The following GOLT1B variants were observed in gnomAD, a reference collection of about 807,000 sequenced individuals.
GOLT1B encodes the protein golgi transport 1B, also known as vesicle transport protein GOT1B.
GOLT1B carries 3 observed loss-of-function variants against 15.4 expected under a neutral mutation model. The observed-to-expected ratio is 0.19, with a 90% CI of 0.09 to 0.50. The LOEUF (loss-of-function observed/expected upper bound fraction) is 0.50, where lower values mean the gene tolerates loss of function less well. Ranked by LOEUF, GOLT1B falls within the 20% of genes least tolerant of loss-of-function variation. GOLT1B has a pLI of 0.97. For missense variants in GOLT1B, 145 were observed against 160.4 expected (o/e 0.90, Z 0.52); for synonymous variants, 65 against 56.2 (o/e 1.16, Z -0.70).
intron 1 of GOLT1B, 91 bp downstream of exon 1, chr12:21,502,039 C>T (rs1943632322): frequency 2.1e-6 from 2 of 930,792 alleles, no homozygotes; most frequent in African/African-American, 1.6e-5. Flanking sequence ...ATGAATGAAG[C>T]TCTGGGTTGG....
intron 1 of GOLT1B, among the ~76,000 whole-genome samples, chr12:21,505,178 T>C (rs1943670524): frequency 6.6e-6 from 1 of 152,294 alleles, no homozygotes; most frequent in African/African-American, 2.4e-5. Flanking sequence ...TAAGGCCTAA[T>C]TCGTGGTAAA....
chr12:21,509,396 C>CAAAAAAAAAAA (rs71053318), intron 3 of GOLT1B, among the ~76,000 whole-genome samples: 1 of 74,040 alleles, frequency 1.4e-5, no homozygotes, highest in Admixed American at 2.2e-4. Context: ...GACTCTGTCT[C>CAAAAAAAAAAA]AAAAAAAAAA....
In GOLT1B at chr12:21,502,234, T is replaced by A. The variant is rs576505588; in HGVS notation, c.25+286T>A. On this transcript the variant is annotated intron_variant, in intron 1 of 4. Coordinates refer to ENST00000229314, the MANE Select transcript of GOLT1B (RefSeq NM_016072.5). ...CTGTCTCATTCCAGGGTCGCGCTGA[T>A]CTCCTCATCCCCAGTGAGATGGGCG... Among the ~76,000 whole-genome samples the A allele has an allele frequency of 1.9e-4, 29 of 152,202 alleles. No individual in the cohort carries two copies. In the South Asian group the frequency reaches 5.6e-3, roughly 29 times the overall value.
chr12:21,511,405 G>C (rs1943718806), intron 3 of GOLT1B, among the ~76,000 whole-genome samples: 1 of 120,214 alleles, frequency 8.3e-6, no homozygotes, highest in Admixed American at 1.2e-4. Flanking sequence ...CCTGAACACT[G>C]TCCTTTTGGG....
chr12:21,513,249 A>G (rs752563750), intron 4 of GOLT1B, among the ~76,000 whole-genome samples: 21 of 152,196 alleles, frequency 1.4e-4, no homozygotes, highest in Admixed American at 3.9e-4. Context: ...CAAGAGTTAA[A>G]GAGAATGTTT....
At chr12:21,513,799 C>T (rs1386922860) in intron 4 of GOLT1B, among the ~76,000 whole-genome samples, 1 of 151,594 alleles carries the variant, frequency 6.6e-6, no homozygotes, top group Admixed American at 6.5e-5. Context: ...TTGTCTCAAA[C>T]AAAAAAGAAA....
chr12:21,512,654 T>G (rs540457641), intron 4 of GOLT1B, among the ~76,000 whole-genome samples: 1 of 152,318 alleles, frequency 6.6e-6, no homozygotes, highest in South Asian at 2.1e-4. Context: ...CTTTGAGAGT[T>G]CAGGGCATTT....
At position 21,516,587 on chromosome 12, in the gene GOLT1B, AT is replaced by A. The variant is rs1348401090; in HGVS notation, c.*885del. 2.6e-5 allele frequency: 4 copies of A among 151,806 alleles called. No homozygotes were observed. The highest frequency in any genetic ancestry group is 5.9e-5 in the Non-Finnish European group (4 of 67,860). The allele number at this position is 151,806 out of a possible 1,614,324, so 9.4% of individuals were successfully genotyped here. On this transcript the variant is annotated 3_prime_UTR_variant, in exon 5 of 5. Coordinates refer to ENST00000229314, the MANE Select transcript of GOLT1B (RefSeq NM_016072.5). ...TGGATTTTTTCCATGTCATGATGTA[AT>A]TTTTCTTTCTTCTTTCTTTTTTTTA... is the stretch of plus-strand genomic sequence containing the variant.
chr12:21,507,054 T>G, intron 2 of GOLT1B, 78 bp downstream of exon 2: 1 of 693,688 alleles, frequency 1.4e-6, no homozygotes. Flanking sequence ...TGCTATTAAA[T>G]TTGGGGAAAA....
chr12:21,507,085 G>C, intron 2 of GOLT1B, 109 bp downstream of exon 2: 1 of 677,396 alleles, frequency 1.5e-6, no homozygotes, highest in Non-Finnish European at 2.7e-6. Flanking sequence ...TTACTCATAA[G>C]TAATTCCTGT....
At chr12:21,515,296 C>T in intron 4 of GOLT1B, 2 of 1,177,870 alleles carry the variant, frequency 1.7e-6, no homozygotes, top group Non-Finnish European at 2.4e-6. Context: ...TTATTGGGTT[C>T]ATTAATGCAT....
At chr12:21,511,844 T>G (rs1471276091) in intron 3 of GOLT1B, among the ~76,000 whole-genome samples, 1 of 152,250 alleles carries the variant, frequency 6.6e-6, no homozygotes, top group African/African-American at 2.4e-5. Context: ...AGAAGCTGTT[T>G]AACTTCTGTA....
intron 1 of GOLT1B, 114 bp downstream of exon 1, chr12:21,502,062 G>C (rs1031872524): frequency 5.1e-6 from 4 of 778,756 alleles, no homozygotes; most frequent in Non-Finnish European, 9.1e-6. Context: ...GCGGTGGCCT[G>C]CGAGACAGAG....
chr12:21,513,239 CAA>C (rs1281791196), intron 4 of GOLT1B, among the ~76,000 whole-genome samples: 4 of 152,216 alleles, frequency 2.6e-5, no homozygotes, highest in Admixed American at 1.3e-4. Flanking sequence ...TCAAATCAGA[CAA>C]GAGTTAAAGA....
chr12:21,509,376 A>G, intron 3 of GOLT1B, among the ~76,000 whole-genome samples: 1 of 122,950 alleles, frequency 8.1e-6, no homozygotes, highest in African/African-American at 3.0e-5. Flanking sequence ...CAGCCTAGGC[A>G]ATAGAGCGAG....
At chr12:21,504,083 A>T (rs549418657) in intron 1 of GOLT1B, among the ~76,000 whole-genome samples, 9 of 152,352 alleles carry the variant, frequency 5.9e-5, no homozygotes, top group African/African-American at 1.9e-4. Context: ...AAGATATCAA[A>T]ATGCTAACAG....
chr12:21,504,371 A>G (rs1402892865), intron 1 of GOLT1B, among the ~76,000 whole-genome samples: 2 of 152,176 alleles, frequency 1.3e-5, no homozygotes, highest in Admixed American at 6.5e-5. Flanking sequence ...AAAAGGCACA[A>G]TGAGGCCAAT....
chr12:21,506,827 G>A (rs1943681911), intron 1 of GOLT1B, 58 bp from the exon 2 acceptor site: 1 of 724,828 alleles, frequency 1.4e-6, no homozygotes, highest in African/African-American at 1.8e-5. Flanking sequence ...TTAGTTTACA[G>A]GGATGTTAAT....
At chr12:21,511,569 C>T (rs1943720285) in intron 3 of GOLT1B, among the ~76,000 whole-genome samples, 1 of 152,180 alleles carries the variant, frequency 6.6e-6, no homozygotes, top group African/African-American at 2.4e-5. Context: ...TGACCAGCCC[C>T]CATCCTGAAG....
Sources: gnomAD v4.1 joint callset for allele counts (sites outside exome capture counted in the v4.1 genomes callset) on GRCh38, gnomAD v4.1.1 for gene constraint, MANE v1.5 for transcripts, NCBI Gene and HGNC (gene_info 2026-07-23, HGNC 2026-07-21) for gene names.